MAPK8IP2: variants seen among roughly 807,000 people sequenced by gnomAD.
MAPK8IP2 encodes the protein mitogen-activated protein kinase 8 interacting protein 2, also known as C-Jun-amino-terminal kinase-interacting protein 2.
MAPK8IP2 carries 15 observed loss-of-function variants against 75.6 expected under a neutral mutation model. The observed-to-expected ratio is 0.20, with a 90% CI of 0.13 to 0.31. MAPK8IP2 has a LOEUF of 0.31. Ranked by LOEUF, MAPK8IP2 falls within the 10% of genes least tolerant of loss-of-function variation. The probability of loss-of-function intolerance (pLI) is 1.00; values close to 1 mark genes in which losing one functional copy is unlikely to be tolerated. For missense variants in MAPK8IP2, 1,089 were observed against 1,211.2 expected (o/e 0.90, Z 1.50); for synonymous variants, 632 against 554.5 (o/e 1.14, Z -1.96).
At chr22:50,608,094 C>T (rs916673216) in intron 10 of MAPK8IP2, among the ~76,000 whole-genome samples, 2 of 152,134 alleles carry the variant, frequency 1.3e-5, no homozygotes, top group African/African-American at 2.4e-5. Context: ...AGGACTGAGG[C>T]GTGGGACAGA....
chr22:50,602,206 C>G (rs1210970948), intron 2 of MAPK8IP2, among the ~76,000 whole-genome samples: 2 of 152,200 alleles, frequency 1.3e-5, no homozygotes, highest in African/African-American at 2.4e-5. Flanking sequence ...AAGATCTAAT[C>G]CCTGGCAGCT....
Position 50,603,392 on chromosome 22 carries a change from C to A in MAPK8IP2, c.341C>A (p.Pro114His). ...GDGEGQEGGD[P>H]GSEAPAPGPL... is the part of the protein sequence containing the mutation. ...GGGGAAGGCCAGGAGGGAGGAGACC[C>A]TGGCTCAGAGGCACCTGCCCCCGGG... is the stretch of plus-strand genomic sequence containing the variant. Residue 114 changes from proline to histidine, a missense_variant, in exon 3 of 12, where the codon CCT becomes CAT. Physicochemically the swap from Pro to His is moderately conservative, Grantham distance 77. Coordinates refer to ENST00000329492, the MANE Select transcript of MAPK8IP2 (RefSeq NM_012324.6). 1 of 1,556,628 alleles carries A rather than the reference C, an allele frequency of 6.4e-7. No homozygotes were observed. The highest frequency in any genetic ancestry group is 2.4e-5 in the East Asian group (1 of 41,862).
Position 50,611,198 on chromosome 22 carries a change from C to T in MAPK8IP2, c.*419C>T, listed in dbSNP as rs775558370. 6 of 170,532 alleles carry T rather than the reference C, an allele frequency of 3.5e-5. No homozygotes were observed. Among genetic ancestry groups the T allele is most frequent in the Non-Finnish European group, 5.0e-5 (4 of 80,614 alleles). 10.6% of individuals were successfully genotyped at this position (170,532 alleles called of 1,614,324 possible). ...CCAAGTGATGCCCTCCTGCCACTCC[C>T]CTGCGATTTATAAGGGAATTTTAAT... On this transcript the variant is annotated 3_prime_UTR_variant, in exon 12 of 12. Transcript: ENST00000329492. This position sits in a 1 kb window ranked among gnomAD's most constrained non-coding sequence, Gnocchi z 5.5.
In MAPK8IP2 at chr22:50,605,817, C is replaced by G; in HGVS notation, c.2015-8C>G. 6.3e-7 allele frequency: 1 copy of G among 1,590,272 alleles called. No individual in the cohort carries two copies. The highest frequency in any genetic ancestry group is 1.3e-5 in the African/African-American group (1 of 74,614). ...CCTGACCTGGGCCCTCTGTGCCCCG[C>G]TCCCCAGGGAGTAAGCGGAGCCCCT... On this transcript the variant is annotated splice_polypyrimidine_tract_variant and splice_region_variant and intron_variant, in intron 7 of 11. Transcript: ENST00000329492.
In MAPK8IP2 at chr22:50,610,347, G is replaced by A. The variant is rs1273995575; in HGVS notation, c.2402+37G>A. On this transcript the variant is annotated intron_variant, in intron 11 of 11. Transcript: ENST00000329492. This position sits in a 1 kb window ranked among gnomAD's most constrained non-coding sequence, Gnocchi z 4.3. Reference sequence around the variant, plus strand: ...CCCAGGGTGTGGGTGCAGAATGGGTGCAGGGTTACGGAGGTGGGGAGCGGA... The same window carrying A: ...CCCAGGGTGTGGGTGCAGAATGGGTACAGGGTTACGGAGGTGGGGAGCGGA... 3.9e-6 allele frequency: 6 copies of A among 1,532,934 alleles called. No homozygotes were observed. Among genetic ancestry groups the A allele is most frequent in the Non-Finnish European group, 3.6e-6 (4 of 1,124,402 alleles). The allele number at this position is 1,532,934 out of a possible 1,614,324, so 95.0% of individuals were successfully genotyped here.
chr22:50,604,799 GGACGCGTCGCTGGTGTAC>G lies in MAPK8IP2; in HGVS notation c.1507_1524del (p.Ser503_Ala508del). The stretch of plus-strand genomic sequence containing the variant: ...GGGGCACGGGCCCCTCGGCGCCGCG[GGACGCGTCGCTGGTGTAC>G]GACGCGGTCAAGTACACGCTGGTGG... On this transcript the variant is annotated inframe_deletion, in exon 5 of 12. Transcript: ENST00000329492. 6.5e-7 allele frequency: 1 copy of G among 1,549,478 alleles called. No homozygotes were observed. The highest frequency in any genetic ancestry group is 8.7e-7 in the Non-Finnish European group (1 of 1,148,354).
Position 50,610,725 on chromosome 22 carries a change from C to G in MAPK8IP2, c.2421C>G (p.Tyr807Ter). The G allele has an allele frequency of 6.2e-7, 1 of 1,609,932 alleles. No individual in the cohort carries two copies. Among genetic ancestry groups the G allele is most frequent in the Non-Finnish European group, 8.5e-7 (1 of 1,178,534 alleles). ...TCCCCAGCCGCGCCTTCCTGGAGTA[C>G]TACCAAGAGCACCTGGCGTACGCCT... is the stretch of plus-strand genomic sequence containing the variant. ...AQSVGRAFLE[Y>*]YQEHLAYACP... Residue 807 changes from tyrosine (Y) to a stop codon, truncating the protein, a stop_gained, in exon 12 of 12, where the codon TAC (tyrosine) becomes TAG (stop). Coordinates refer to ENST00000329492, the MANE Select transcript of MAPK8IP2 (RefSeq NM_012324.6). LOFTEE classifies it high-confidence loss of function. This position sits in a 1 kb window ranked among gnomAD's most constrained non-coding sequence, Gnocchi z 4.3.
chr22:50,608,553 G>A lies in MAPK8IP2; in HGVS notation c.2303+1562G>A, dbSNP rs546692261. The stretch of plus-strand genomic sequence containing the variant: ...CTGGGGTGGAGAGGTGGGACAGTGG[G>A]CAGGGGCGCAGACCAGACAGTGGGG... On this transcript the variant is annotated intron_variant, in intron 10 of 11. Coordinates refer to ENST00000329492, the MANE Select transcript of MAPK8IP2 (RefSeq NM_012324.6). Among the ~76,000 whole-genome samples, 178 of 146,132 alleles carry A rather than the reference G, an allele frequency of 1.2e-3. 2 individuals carry two copies. The highest frequency in any genetic ancestry group is 4.4e-3 in the African/African-American group (173 of 39,084).
Position 50,604,835 on chromosome 22 carries a change from G to T in MAPK8IP2, c.1536G>T (p.Thr512=), listed in dbSNP as rs773508231. The T allele has an allele frequency of 1.3e-6, 2 of 1,578,502 alleles. No homozygotes were observed. Among genetic ancestry groups the T allele is most frequent in the Admixed American group, 1.9e-5 (1 of 53,834 alleles). ...ASLVYDAVKY[T]LVVDEHTQLE... ...TGGTGTACGACGCGGTCAAGTACAC[G>T]CTGGTGGTGGATGAGCACACGCAGC... Residue 512 remains threonine (T), a synonymous_variant, in exon 5 of 12, where the codon ACG becomes ACT. Coordinates refer to ENST00000329492, the MANE Select transcript of MAPK8IP2 (RefSeq NM_012324.6).
In MAPK8IP2 at chr22:50,612,678, A is replaced by G. The variant is rs1181466753; in HGVS notation, c.*1899A>G. 6.6e-6 allele frequency: 1 copy of G among 152,300 alleles called. No homozygotes were observed. The highest frequency in any genetic ancestry group is 1.5e-5 in the Non-Finnish European group (1 of 68,052). The allele number at this position is 152,300 out of a possible 1,614,324, so 9.4% of individuals were successfully genotyped here. A position where few individuals can be genotyped will look rare whatever the true frequency, so the allele number is the denominator to read the frequency against. On this transcript the variant is annotated 3_prime_UTR_variant, in exon 12 of 12. Transcript: ENST00000329492. ...TTCCTACTAATTGAGATAAAGCTGT[A>G]AAGAGGCAGATAGCCCCACTGGGTG...
intron 8 of MAPK8IP2, 80 bp downstream of exon 8, chr22:50,606,014 G>A: frequency 8.6e-7 from 1 of 1,166,292 alleles, no homozygotes; most frequent in Non-Finnish European, 1.2e-6. Context: ...CACAGGGCTT[G>A]AGGCTCCAAG....
At position 50,604,902 on chromosome 22, in the gene MAPK8IP2, G is replaced by T. The variant is rs778204290; in HGVS notation, c.1603G>T (p.Asp535Tyr). 1 of 1,609,904 alleles carries T rather than the reference G, an allele frequency of 6.2e-7. No individual in the cohort carries two copies. The highest frequency in any genetic ancestry group is 1.1e-5 in the South Asian group (1 of 90,872). The change falls in exon 5 of 12, where the codon GAC (aspartate) becomes TAC (tyrosine). Residue 535 changes from aspartate (D) to tyrosine (Y), a missense_variant. Asp to Tyr is a radical substitution (Grantham distance 160, BLOSUM62 -3). This residue lies in a region of MAPK8IP2 where 960 missense variants were observed against 1,009.6 expected (regional missense o/e 0.95). Coordinates refer to ENST00000329492, the MANE Select transcript of MAPK8IP2 (RefSeq NM_012324.6). ...SLRRCAGLGH[D>Y]SEEDSGGEAS... Reference sequence around the variant, plus strand: ...GCGGCGCTGTGCTGGGCTGGGCCACGACAGCGAAGAGGACAGCGGCGGGGA... The same window carrying T: ...GCGGCGCTGTGCTGGGCTGGGCCACTACAGCGAAGAGGACAGCGGCGGGGA...
rs112478516 is a variant in MAPK8IP2, at chr22:50,608,430, A to G, written c.2303+1439A>G. 4.2e-3 allele frequency among the ~76,000 whole-genome samples: 386 copies of G among 92,472 alleles called. 4 individuals carry two copies. The highest frequency in any genetic ancestry group is 4.8e-3 in the Admixed American group (41 of 8,528). 60.7% of individuals were successfully genotyped at this position (92,472 alleles called of 152,430 possible). On this transcript the variant is annotated intron_variant, in intron 10 of 11. Coordinates refer to ENST00000329492, the MANE Select transcript of MAPK8IP2 (RefSeq NM_012324.6). ...CAGTGGGGCCAGCTCTGGGGTCACCAGGACAGCGAACGGGGCGCAGACCAG... is the reference window on the plus strand; with the variant it reads ...CAGTGGGGCCAGCTCTGGGGTCACCGGGACAGCGAACGGGGCGCAGACCAG...
chr22:50,610,016 G>C lies in MAPK8IP2; in HGVS notation c.2304-196G>C, dbSNP rs777231701. 1.4e-6 allele frequency: 1 copy of C among 736,718 alleles called. No homozygotes were observed. Among genetic ancestry groups the C allele is most frequent in the Non-Finnish European group, 2.5e-6 (1 of 402,370 alleles). The allele number at this position is 736,718 out of a possible 1,614,324, so 45.6% of individuals were successfully genotyped here. A position where few individuals can be genotyped will look rare whatever the true frequency, so the allele number is the denominator to read the frequency against. ...AATTAACTCAGAGCGTGAACTCTTG[G>C]TAGGTGCCCAGCCCTGTGCTTGGGC... On this transcript the variant is annotated intron_variant, in intron 10 of 11. Coordinates refer to ENST00000329492, the MANE Select transcript of MAPK8IP2 (RefSeq NM_012324.6). The surrounding 1 kb of genome is among the most constrained non-coding windows in gnomAD (Gnocchi z 4.3).
chr22:50,608,717 G>A, intron 10 of MAPK8IP2, among the ~76,000 whole-genome samples: 1 of 139,956 alleles, frequency 7.1e-6, no homozygotes, highest in East Asian at 2.0e-4. Context: ...GTGGGACAGT[G>A]GGCACGGGCG....
At position 50,603,421 on chromosome 22, in the gene MAPK8IP2, C is replaced by T. The variant is rs546037070; in HGVS notation, c.370C>T (p.Leu124Phe). ...PGSEAPAPGP[L>F]IPSPSVEEPH... The stretch of plus-strand genomic sequence containing the variant: ...CTCAGAGGCACCTGCCCCCGGGCCC[C>T]TTATCCCCTCCCCTTCCGTGGAGGA... Residue 124 changes from leucine (L) to phenylalanine (F), a missense_variant, in exon 3 of 12, where the codon CTT (leucine) becomes TTT (phenylalanine). By Grantham distance (22) the Leu-to-Phe change is conservative. Around this residue, in one of 2 missense-constraint regions of MAPK8IP2, gnomAD observed 960 missense variants for 1,009.6 expected, o/e 0.95. Coordinates refer to ENST00000329492, the MANE Select transcript of MAPK8IP2 (RefSeq NM_012324.6). 31 of 1,567,488 alleles carry T rather than the reference C, an allele frequency of 2.0e-5. No homozygotes were observed. The Middle Eastern group carries it at 6.7e-4, about 34-fold the overall frequency.
In MAPK8IP2 at chr22:50,604,973, G is replaced by C; in HGVS notation, c.1674G>C (p.Gln558His). The C allele has an allele frequency of 6.2e-7, 1 of 1,612,372 alleles. No homozygotes were observed. The highest frequency in any genetic ancestry group is 8.5e-7 in the Non-Finnish European group (1 of 1,179,794). The stretch of plus-strand genomic sequence containing the variant: ...GCGCGGCGCTGCTAGGCGGCGGTCA[G>C]GTCTCGGGGGACACCTCGCCGGACA... ...EAGAALLGGGQVSGDTSPDSP... is the reference protein window; with the variant it reads ...EAGAALLGGGHVSGDTSPDSP... Residue 558 changes from glutamine to histidine, a missense_variant, in exon 5 of 12, where the codon CAG becomes CAC. By Grantham distance (24) the Gln-to-His change is conservative (BLOSUM62 0). Around this residue, in one of 2 missense-constraint regions of MAPK8IP2, gnomAD observed 960 missense variants for 1,009.6 expected, o/e 0.95. Coordinates refer to ENST00000329492, the MANE Select transcript of MAPK8IP2 (RefSeq NM_012324.6).
At position 50,601,889 on chromosome 22, in the gene MAPK8IP2, G is replaced by A; in HGVS notation, c.166G>A (p.Glu56Lys). The change falls in exon 2 of 12, where the codon GAG becomes AAG. Residue 56 changes from glutamate (E) to lysine (K), a missense_variant. Glu to Lys is a moderately conservative substitution (Grantham distance 56, BLOSUM62 1). Around this residue, in one of 2 missense-constraint regions of MAPK8IP2, gnomAD observed 960 missense variants for 1,009.6 expected, o/e 0.95. Transcript: ENST00000329492. ...LGLSYDSDHC[E>K]KDSLSLGRSE... is the part of the protein sequence containing the mutation. Reference sequence around the variant, plus strand: ...CCTCAGCTACGACTCAGACCACTGTGAGAAGGTGGGAGAAGAGTTGGGGAC... The same window carrying A: ...CCTCAGCTACGACTCAGACCACTGTAAGAAGGTGGGAGAAGAGTTGGGGAC... 6.2e-7 allele frequency: 1 copy of A among 1,612,064 alleles called. No individual in the cohort carries two copies. The highest frequency in any genetic ancestry group is 8.5e-7 in the Non-Finnish European group (1 of 1,178,192).
At chr22:50,600,905 C>T in intron 1 of MAPK8IP2, 22 bp downstream of exon 1, 1 of 1,187,670 alleles carries the variant, frequency 8.4e-7, no homozygotes, top group Non-Finnish European at 1.1e-6. Context: ...GGCGCCCGGG[C>T]CGGGCGGACC....
Sources: gnomAD v4.1 joint callset for allele counts (sites outside exome capture counted in the v4.1 genomes callset) on GRCh38, gnomAD v4.1.1 for gene constraint, gnomAD v4.1.1 regional missense constraint, Gnocchi (gnomAD v3.1) non-coding constraint, MANE v1.5 for transcripts, NCBI Gene and HGNC (gene_info 2026-07-23, HGNC 2026-07-21) for gene names.